Variants in SRD5A2 observed in about 807,000 individuals in gnomAD.
SRD5A2 encodes 3-oxo-5-alpha-steroid 4-dehydrogenase 2.
Under a neutral mutation model 27.4 loss-of-function variants are expected in SRD5A2, and 30 were observed. That is an observed-to-expected ratio of 1.10 (90% CI 0.82 to 1.49). SRD5A2 has a LOEUF of 1.49. Ranked by LOEUF, SRD5A2 falls within the 40% of genes most tolerant of loss-of-function variation. The pLI, the probability that SRD5A2 is intolerant of heterozygous loss-of-function variation, is 0.00. For missense variants in SRD5A2, 348 were observed against 323.4 expected, an observed-to-expected ratio of 1.08 and a Z score of -0.58; for synonymous variants, 141 against 133.6, an observed-to-expected ratio of 1.06 and a Z score of -0.38.
chr2:31,579,758 T>G (rs552808936), intron 1 of SRD5A2, among the ~76,000 whole-genome samples: 1 of 152,246 alleles, frequency 6.6e-6, no homozygotes, highest in Non-Finnish European at 1.5e-5. Context: ...CGTTCTTCCC[T>G]TTCCCTGTGA....
the SRD5A2 span, among the ~76,000 whole-genome samples, chr2:31,625,700 G>C: frequency 6.6e-6 from 1 of 152,154 alleles, no homozygotes; most frequent in Admixed American, 6.6e-5. Context: ...TGAGGCCTCT[G>C]TTCTGTTGCA....
At chr2:31,527,763 TAGG>T (rs1459214757) in intron 4 of SRD5A2, 1 of 152,206 alleles carries the variant, frequency 6.6e-6, no homozygotes, top group African/African-American at 2.4e-5. Flanking sequence ...TCACAGAGTC[TAGG>T]AGGTGGTAGG....
At chr2:31,549,993 T>A (rs1462511561) in intron 1 of SRD5A2, among the ~76,000 whole-genome samples, 1 of 152,130 alleles carries the variant, frequency 6.6e-6, no homozygotes, top group Non-Finnish European at 1.5e-5. Context: ...ACATCTTATA[T>A]CATAAGGCAA....
the SRD5A2 span, among the ~76,000 whole-genome samples, chr2:31,610,952 T>C: frequency 6.6e-6 from 1 of 151,844 alleles, no homozygotes; most frequent in Non-Finnish European, 1.5e-5. Context: ...TACTAAATAA[T>C]ACAAAAATTA....
At chr2:31,646,667 G>A in the SRD5A2 span, among the ~76,000 whole-genome samples, 3 of 151,900 alleles carry the variant, frequency 2.0e-5, no homozygotes, top group African/African-American at 7.3e-5. Context: ...ACAAATATGA[G>A]AGAAAACCAG....
chr2:31,569,847 G>C (rs537105622), intron 1 of SRD5A2, among the ~76,000 whole-genome samples: 131 of 152,142 alleles, frequency 8.6e-4, no homozygotes, highest in African/African-American at 3.1e-3. Flanking sequence ...AAATTTTTTA[G>C]ATATCACATC....
the SRD5A2 span, among the ~76,000 whole-genome samples, chr2:31,616,067 C>T: frequency 9.9e-5 from 15 of 152,072 alleles, no homozygotes; most frequent in African/African-American, 3.4e-4. Flanking sequence ...CATGGAAATG[C>T]CTGGATGTCC....
At chr2:31,530,762 T>A (rs1665889174) in intron 3 of SRD5A2, among the ~76,000 whole-genome samples, 1 of 152,214 alleles carries the variant, frequency 6.6e-6, no homozygotes, top group Admixed American at 6.5e-5. Context: ...TTTGCTCCCA[T>A]CTGCGTATAT....
intron 3 of SRD5A2, among the ~76,000 whole-genome samples, chr2:31,529,817 C>T (rs192963373): frequency 3.1e-4 from 47 of 152,268 alleles, no homozygotes; most frequent in Middle Eastern, 3.4e-3. Context: ...CCTCTTACCT[C>T]CCCGCTCCTT....
intron 1 of SRD5A2, 84 bp from the exon 2 acceptor site, chr2:31,533,850 C>G: frequency 6.9e-7 from 1 of 1,441,424 alleles, no homozygotes. Flanking sequence ...AAGCTCACAC[C>G]AGAAGGTACA....
the SRD5A2 span, among the ~76,000 whole-genome samples, chr2:31,596,001 G>A: frequency 1.3e-5 from 2 of 152,058 alleles, no homozygotes; most frequent in African/African-American, 4.8e-5. Flanking sequence ...ACAAAACCCA[G>A]CATCCCTTTA....
At chr2:31,623,691 G>C in the SRD5A2 span, among the ~76,000 whole-genome samples, 2 of 152,066 alleles carry the variant, frequency 1.3e-5, no homozygotes, top group Non-Finnish European at 2.9e-5. Flanking sequence ...ACTTTTCAAG[G>C]GGAATGCTTT....
At chr2:31,531,561 G>GGTGCATTTAATTCCAAAAAATGAAGGGAA in intron 2 of SRD5A2, 89 bp from the exon 3 acceptor site, 2 of 820,850 alleles carry the variant, frequency 2.4e-6, no homozygotes, top group Non-Finnish European at 3.9e-6. Context: ...AATGAAAGGA[G>GGTGCATTTAATTCCAAAAAATGAAGGGAA]GGGCATTTAA....
chr2:31,594,974 A>C, the SRD5A2 span, among the ~76,000 whole-genome samples: 1 of 152,226 alleles, frequency 6.6e-6, no homozygotes, highest in African/African-American at 2.4e-5. Context: ...GTCAATAATG[A>C]AATCAAAACG....
intron 4 of SRD5A2, chr2:31,527,763 T>C (rs28383077): frequency 0.019 from 2,960 of 152,320 alleles, 42 homozygotes; most frequent in Middle Eastern, 0.027. Context: ...TCACAGAGTC[T>C]AGGAGGTGGT....
At chr2:31,627,152 A>C in the SRD5A2 span, among the ~76,000 whole-genome samples, 2 of 151,992 alleles carry the variant, frequency 1.3e-5, no homozygotes, top group African/African-American at 2.4e-5. Context: ...GCATATAAGT[A>C]TTTATAGTAT....
chr2:31,656,880 T>C, the SRD5A2 span, among the ~76,000 whole-genome samples: 1 of 152,216 alleles, frequency 6.6e-6, no homozygotes, highest in Non-Finnish European at 1.5e-5. Context: ...CTATATTTTA[T>C]TCCTTCTCTA....
the SRD5A2 span, among the ~76,000 whole-genome samples, chr2:31,659,160 T>A: frequency 1.3e-5 from 2 of 152,118 alleles, no homozygotes; most frequent in African/African-American, 4.8e-5. Context: ...CTGAACAAAC[T>A]AGGCATTGAA....
chr2:31,595,295 G>T, the SRD5A2 span, among the ~76,000 whole-genome samples: 1 of 152,072 alleles, frequency 6.6e-6, no homozygotes, highest in African/African-American at 2.4e-5. Context: ...AAACAAAATT[G>T]ATAGACCATT....
Sources: gnomAD v4.1 joint callset for allele counts (sites outside exome capture counted in the v4.1 genomes callset) on GRCh38, gnomAD v4.1.1 for gene constraint, MANE v1.5 for transcripts, NCBI Gene and HGNC (gene_info 2026-07-23, HGNC 2026-07-21) for gene names.